Variants in TIPARP observed in about 807,000 individuals in gnomAD.
TIPARP encodes protein mono-ADP-ribosyltransferase TIPARP.
Under a neutral mutation model 56.5 loss-of-function variants are expected in TIPARP, and 12 were observed. The observed-to-expected ratio is 0.21, with a 90% CI of 0.14 to 0.34. The LOEUF (loss-of-function observed/expected upper bound fraction) is 0.34, where lower values mean the gene tolerates loss of function less well. TIPARP is among the 10% of genes least tolerant of loss of function. The probability of loss-of-function intolerance (pLI) is 1.00; values close to 1 mark genes in which losing one functional copy is unlikely to be tolerated. For synonymous variants in TIPARP, 296 were observed against 265.7 expected (o/e 1.11, Z -1.11); for missense variants, 604 against 781.6 (o/e 0.77, Z 2.71).
In TIPARP at chr3:156,694,116, T is replaced by G; in HGVS notation, c.1014T>G (p.Asn338Lys). ...LRRLSTPPSS[N>K]VNSIYHTVWK... is the part of the protein sequence containing the mutation. ...GGCTGTCCACACCACCCTCTAGCAATGTCAACTCTATTTACCACACAGTCT... is the reference window on the plus strand; with the variant it reads ...GGCTGTCCACACCACCCTCTAGCAAGGTCAACTCTATTTACCACACAGTCT... Residue 338 changes from asparagine to lysine, a missense_variant, in exon 3 of 6, where the codon AAT becomes AAG. Around this residue, in one of 4 missense-constraint regions of TIPARP, gnomAD observed 252 missense variants for 303.9 expected, o/e 0.83. Transcript: ENST00000295924. 6.2e-7 allele frequency: 1 copy of G among 1,613,640 alleles called. No individual in the cohort carries two copies. Among genetic ancestry groups the G allele is most frequent in the Non-Finnish European group, 8.5e-7 (1 of 1,179,752 alleles).
chr3:156,689,180 C>G (rs1722507318), intron 2 of TIPARP, among the ~76,000 whole-genome samples: 1 of 152,148 alleles, frequency 6.6e-6, no homozygotes, highest in Non-Finnish European at 1.5e-5. Flanking sequence ...ATTTCTATCA[C>G]CTTCCCACTT....
chr3:156,681,745 C>G (rs1722313741), intron 2 of TIPARP, among the ~76,000 whole-genome samples: 1 of 152,036 alleles, frequency 6.6e-6, no homozygotes, highest in Non-Finnish European at 1.5e-5. Context: ...ATGATGTAAT[C>G]CCACTTTGCT....
At chr3:156,677,461 T>A (rs1722162830) in intron 1 of TIPARP, among the ~76,000 whole-genome samples, 196 bp from the exon 2 acceptor site, 1 of 152,236 alleles carries the variant, frequency 6.6e-6, no homozygotes, top group Non-Finnish European at 1.5e-5. Context: ...ACCTGCTGTG[T>A]GCTTTTGAAT....
chr3:156,681,729 G>T (rs1722313013), intron 2 of TIPARP, among the ~76,000 whole-genome samples: 2 of 152,122 alleles, frequency 1.3e-5, no homozygotes, highest in African/African-American at 4.8e-5. Context: ...TCCTTGTAAT[G>T]AAATTATGAT....
chr3:156,676,978 C>A (rs1722146336), intron 1 of TIPARP, among the ~76,000 whole-genome samples: 1 of 152,100 alleles, frequency 6.6e-6, no homozygotes, highest in South Asian at 2.1e-4. Flanking sequence ...ACTAAACACA[C>A]CCTTGTATTC....
chr3:156,676,242 G>C (rs954458351), intron 1 of TIPARP, among the ~76,000 whole-genome samples: 23 of 152,192 alleles, frequency 1.5e-4, no homozygotes, highest in African/African-American at 4.3e-4. Context: ...CCTTCTTCGT[G>C]AAGCTTTCCC....
At chr3:156,691,448 A>T (rs1009236825) in intron 2 of TIPARP, among the ~76,000 whole-genome samples, 1 of 152,140 alleles carries the variant, frequency 6.6e-6, no homozygotes, top group Non-Finnish European at 1.5e-5. Context: ...TTTGTTAGTT[A>T]TTCCTTTCTT....
intron 4 of TIPARP, among the ~76,000 whole-genome samples, chr3:156,697,310 A>G (rs1227547822): frequency 6.6e-6 from 1 of 152,182 alleles, no homozygotes; most frequent in African/African-American, 2.4e-5. Flanking sequence ...CAAGCAAGAT[A>G]GAACTTCTGT....
At chr3:156,704,300 A>C (rs1300206688) in intron 5 of TIPARP, among the ~76,000 whole-genome samples, 1 of 152,158 alleles carries the variant, frequency 6.6e-6, no homozygotes, top group African/African-American at 2.4e-5. Flanking sequence ...CTTGCTCTTA[A>C]TCCCTTTACT....
intron 4 of TIPARP, among the ~76,000 whole-genome samples, chr3:156,702,285 C>A (rs980931448): frequency 2.6e-5 from 4 of 152,106 alleles, no homozygotes; most frequent in African/African-American, 4.8e-5. Context: ...TATACTCGGG[C>A]AAATTATTTA....
intron 4 of TIPARP, among the ~76,000 whole-genome samples, chr3:156,702,281 C>T (rs764017025): frequency 3.3e-5 from 5 of 152,170 alleles, no homozygotes; most frequent in Admixed American, 6.5e-5. Context: ...TAGCTATACT[C>T]GGGCAAATTA....
rs780793320 is a variant in TIPARP, at chr3:156,703,541, T to C, written c.1365T>C (p.Tyr455=). Residue 455 remains tyrosine (Y), a synonymous_variant, in exon 5 of 6, where the codon TAT becomes TAC. Transcript: ENST00000295924. ...ACTTTTACCCTGAAACTTGGGTTTA[T>C]ATGCATCCATCTCAGGACTTCATCC... is the stretch of plus-strand genomic sequence containing the variant. ...SANFYPETWV[Y]MHPSQDFIQV... 1.2e-6 allele frequency: 2 copies of C among 1,614,254 alleles called. No individual in the cohort carries two copies. The highest frequency in any genetic ancestry group is 8.5e-7 in the Non-Finnish European group (1 of 1,180,044).
chr3:156,680,783 TATG>T (rs1250951471), intron 2 of TIPARP, among the ~76,000 whole-genome samples: 1 of 152,196 alleles, frequency 6.6e-6, no homozygotes, highest in African/African-American at 2.4e-5. Context: ...ATTGTTGTAT[TATG>T]AGGTAGTTGC....
chr3:156,681,269 A>G, intron 2 of TIPARP: 1 of 450,632 alleles, frequency 2.2e-6, no homozygotes, highest in South Asian at 1.6e-5. Flanking sequence ...ATCTGTGCAG[A>G]TTGCGCATAA....
chr3:156,677,501 T>C (rs1311444343), intron 1 of TIPARP, among the ~76,000 whole-genome samples, 156 bp from the exon 2 acceptor site: 4 of 152,376 alleles, frequency 2.6e-5, no homozygotes, highest in Middle Eastern at 3.4e-3. Context: ...CCTTAATTTC[T>C]CGATAAAATT....
Position 156,704,975 on chromosome 3 carries a change from C to T in TIPARP, c.1818C>T (p.Pro606=). ...YTMGSHGMRR[P]PPVNPGSVTS... ...TGGGCAGTCATGGCATGAGAAGGCCCCCGCCAGTCAATCCTGGCAGTGTCA... is the reference window on the plus strand; with the variant it reads ...TGGGCAGTCATGGCATGAGAAGGCCTCCGCCAGTCAATCCTGGCAGTGTCA... The change falls in exon 6 of 6, where the codon CCC becomes CCT. Residue 606 remains proline, a synonymous_variant. Coordinates refer to ENST00000295924, the MANE Select transcript of TIPARP (RefSeq NM_015508.5). 6.2e-7 allele frequency: 1 copy of T among 1,614,210 alleles called. No homozygotes were observed. The highest frequency in any genetic ancestry group is 8.5e-7 in the Non-Finnish European group (1 of 1,180,042).
chr3:156,702,248 C>A (rs777277761), intron 4 of TIPARP, among the ~76,000 whole-genome samples: 24 of 152,136 alleles, frequency 1.6e-4, no homozygotes, highest in Non-Finnish European at 2.8e-4. Context: ...GGCCTAGATT[C>A]AAATTCTGTC....
chr3:156,701,252 A>T (rs1180715084), intron 4 of TIPARP, among the ~76,000 whole-genome samples: 1 of 152,208 alleles, frequency 6.6e-6, no homozygotes, highest in Non-Finnish European at 1.5e-5. Context: ...TCCCCTGCAA[A>T]AAAGGAAAAG....
chr3:156,695,957 A>C lies in TIPARP; in HGVS notation c.1179A>C (p.Ser393=), dbSNP rs778809886. The C allele has an allele frequency of 2.5e-6, 4 of 1,611,766 alleles. No individual in the cohort carries two copies. The highest frequency in any genetic ancestry group is 2.5e-6 in the Non-Finnish European group (3 of 1,179,474). Reference sequence around the variant, plus strand: ...ATAACCACTACATCCTCCACAATTCATTCTTCAGGAGAGAGATAAAAAGGA... The same window carrying C: ...ATAACCACTACATCCTCCACAATTCCTTCTTCAGGAGAGAGATAAAAAGGA... ...MWNNHYILHN[S]FFRREIKRRP... is the part of the protein sequence containing the mutation. Residue 393 remains serine (S), a synonymous_variant, in exon 4 of 6, where the codon TCA becomes TCC. Coordinates refer to ENST00000295924, the MANE Select transcript of TIPARP (RefSeq NM_015508.5).
Sources: gnomAD v4.1 joint callset for allele counts (sites outside exome capture counted in the v4.1 genomes callset) on GRCh38, gnomAD v4.1.1 for gene constraint, gnomAD v4.1.1 regional missense constraint, MANE v1.5 for transcripts, NCBI Gene and HGNC (gene_info 2026-07-23, HGNC 2026-07-21) for gene names.